The following ADAMTS19 variants were observed in gnomAD, a reference collection of about 807,000 sequenced individuals.
ADAMTS19 encodes the protein ADAM metallopeptidase with thrombospondin type 1 motif 19.
Under a neutral mutation model 153.3 loss-of-function variants are expected in ADAMTS19, and 93 were observed. The observed-to-expected ratio is 0.61, with a 90% confidence interval of 0.51 to 0.72. ADAMTS19 has a LOEUF of 0.72. Ranked by LOEUF, ADAMTS19 falls within the 30% of genes least tolerant of loss-of-function variation. The pLI is 0.00. For missense variants in ADAMTS19, 1,482 were observed against 1,552.1 expected (o/e 0.95, Z 0.76); for synonymous variants, 600 against 556.6 (o/e 1.08, Z -1.10).
intron 2 of ADAMTS19, among the ~76,000 whole-genome samples, chr5:129,484,718 T>C (rs1750536163): frequency 6.6e-6 from 1 of 152,140 alleles, no homozygotes; most frequent in Non-Finnish European, 1.5e-5. Flanking sequence ...ATGATGATCC[T>C]GTTGTAAGTC....
chr5:129,587,815 T>TTTG (rs1359462176), intron 7 of ADAMTS19, among the ~76,000 whole-genome samples: 74 of 152,092 alleles, frequency 4.9e-4, no homozygotes, highest in East Asian at 1.9e-3. Context: ...CCCCAGGTTT[T>TTTG]TTGTTGTTGT....
intron 7 of ADAMTS19, among the ~76,000 whole-genome samples, chr5:129,579,425 A>G (rs1007347643): frequency 6.6e-6 from 1 of 152,192 alleles, no homozygotes; most frequent in African/African-American, 2.4e-5. Context: ...TTTGCTGTGC[A>G]GAAGCTCTTT....
intron 6 of ADAMTS19, among the ~76,000 whole-genome samples, chr5:129,530,860 A>T (rs942524168): frequency 6.6e-6 from 1 of 152,132 alleles, no homozygotes; most frequent in African/African-American, 2.4e-5. Context: ...AATAAAAAGA[A>T]AAAATGTCTC....
At chr5:129,462,983 GA>G (rs1321079534) in intron 2 of ADAMTS19, among the ~76,000 whole-genome samples, 6 of 152,274 alleles carry the variant, frequency 3.9e-5, no homozygotes, top group African/African-American at 1.4e-4. Flanking sequence ...ATAGTCAAAT[GA>G]TGTAAACTGT....
chr5:129,485,777 A>T (rs919290746), intron 2 of ADAMTS19, among the ~76,000 whole-genome samples: 10 of 152,056 alleles, frequency 6.6e-5, no homozygotes, highest in Admixed American at 5.2e-4. Context: ...GCTGTCTCTA[A>T]TTGAATGTGT....
intron 21 of ADAMTS19, among the ~76,000 whole-genome samples, chr5:129,705,585 G>T (rs1178969251): frequency 6.6e-6 from 1 of 152,122 alleles, no homozygotes; most frequent in Non-Finnish European, 1.5e-5. Flanking sequence ...AACATAAATC[G>T]ATCCCTAACT....
chr5:129,461,507 C>G lies in ADAMTS19; in HGVS notation c.497C>G (p.Pro166Arg), dbSNP rs1320947835. ...PSPPPAQHAE[P>R]DGDEVLLRIP... ...CCGCCCCCGGCCCAGCATGCCGAGC[C>G]GGATGGCGACGAAGTGTTGCTGCGG... The change falls in exon 2 of 23, where the codon CCG (proline) becomes CGG (arginine). Residue 166 changes from proline (P) to arginine (R), a missense_variant. This residue lies in a region of ADAMTS19 where 866 missense variants were observed against 827.7 expected (regional missense o/e 1.05). Coordinates refer to ENST00000274487, the MANE Select transcript of ADAMTS19 (RefSeq NM_133638.6). The surrounding 1 kb of genome is among the most constrained non-coding windows in gnomAD (Gnocchi z 4.6). The G allele has an allele frequency of 3.3e-6, 5 of 1,509,912 alleles. No homozygotes were observed. The highest frequency in any genetic ancestry group is 8.8e-7 in the Non-Finnish European group (1 of 1,137,700). 93.5% of individuals were successfully genotyped at this position (1,509,912 alleles called of 1,614,324 possible).
intron 10 of ADAMTS19, among the ~76,000 whole-genome samples, chr5:129,627,625 A>G (rs113470048): frequency 6.6e-6 from 1 of 152,068 alleles, no homozygotes; most frequent in Admixed American, 6.6e-5. Context: ...GACCCCATTA[A>G]AAAGTGGGCA....
chr5:129,643,809 A>C (rs1752935352), intron 11 of ADAMTS19, among the ~76,000 whole-genome samples: 1 of 152,184 alleles, frequency 6.6e-6, no homozygotes, highest in African/African-American at 2.4e-5. Context: ...ACAAAAGTAT[A>C]AGAACCTGTG....
chr5:129,700,090 AT>A (rs1755761686), intron 19 of ADAMTS19, among the ~76,000 whole-genome samples: 1 of 152,190 alleles, frequency 6.6e-6, no homozygotes, highest in African/African-American at 2.4e-5. Flanking sequence ...TACAGGGAAG[AT>A]TTTAATTGAC....
intron 8 of ADAMTS19, among the ~76,000 whole-genome samples, chr5:129,608,904 G>C (rs1177651697): frequency 6.6e-6 from 1 of 150,604 alleles, no homozygotes; most frequent in Non-Finnish European, 1.5e-5. Flanking sequence ...TGCATATAAA[G>C]TATATCATCT....
chr5:129,588,916 C>G (rs1749955674), intron 7 of ADAMTS19, among the ~76,000 whole-genome samples: 1 of 151,624 alleles, frequency 6.6e-6, no homozygotes, highest in Non-Finnish European at 1.5e-5. Context: ...CCGATATTTT[C>G]TCTCCAGTTG....
intron 2 of ADAMTS19, among the ~76,000 whole-genome samples, chr5:129,469,165 A>G (rs1039232320): frequency 1.2e-4 from 19 of 152,206 alleles, no homozygotes; most frequent in Admixed American, 6.5e-4. Context: ...AATGTTAATT[A>G]CAAAATAATA....
At chr5:129,631,878 T>G (rs2127002017) in intron 10 of ADAMTS19, among the ~76,000 whole-genome samples, 1 of 152,114 alleles carries the variant, frequency 6.6e-6, no homozygotes, top group South Asian at 2.1e-4. Flanking sequence ...GGTCTAGATT[T>G]TATAATTTAT....
chr5:129,654,516 A>T, intron 14 of ADAMTS19, 83 bp downstream of exon 14: 1 of 1,456,772 alleles, frequency 6.9e-7, no homozygotes, highest in Non-Finnish European at 9.3e-7. Flanking sequence ...CATGGTGGAA[A>T]GCTTTGGACT....
At chr5:129,650,837 C>A (rs540264462) in intron 13 of ADAMTS19, among the ~76,000 whole-genome samples, 2 of 152,270 alleles carry the variant, frequency 1.3e-5, no homozygotes, top group Admixed American at 1.3e-4. Flanking sequence ...CTCACAACCA[C>A]CCTTCTCAAA....
intron 17 of ADAMTS19, among the ~76,000 whole-genome samples, chr5:129,683,078 T>C (rs1754896105): frequency 2.0e-5 from 3 of 152,110 alleles, no homozygotes; most frequent in Admixed American, 6.5e-5. Context: ...ATATGTTTTT[T>C]AATGTATCAT....
At chr5:129,478,924 A>G (rs1415650998) in intron 2 of ADAMTS19, among the ~76,000 whole-genome samples, 1 of 152,184 alleles carries the variant, frequency 6.6e-6, no homozygotes, top group Non-Finnish European at 1.5e-5. Flanking sequence ...ATTGATTTTT[A>G]AAAACAAAGA....
chr5:129,687,964 T>C (rs1249301826), intron 18 of ADAMTS19: 1 of 152,246 alleles, frequency 6.6e-6, no homozygotes, highest in Non-Finnish European at 1.5e-5. Context: ...TGTGCTTGAA[T>C]AGATCTCCTC....
Sources: allele counts gnomAD v4.1 joint callset (sites outside exome capture counted in the v4.1 genomes callset), GRCh38; gene constraint gnomAD v4.1.1; regional missense constraint gnomAD v4.1.1; non-coding constraint Gnocchi (gnomAD v3.1); transcripts MANE v1.5; gene names NCBI Gene and HGNC (gene_info 2026-07-23, HGNC 2026-07-21).